Variants in EPHA1 observed in about 807,000 individuals in gnomAD.
EPHA1 encodes the protein ephrin type-A receptor 1.
EPHA1 carries 92 observed loss-of-function variants against 110.1 expected under a neutral mutation model. The ratio of observed to expected loss-of-function variants is 0.84; its 90% CI spans 0.71 to 0.99. The LOEUF is 0.99. EPHA1 is among the 50% of genes least tolerant of loss of function. EPHA1 has a pLI of 0.00. For synonymous variants in EPHA1, 500 were observed against 516.1 expected, an observed-to-expected ratio of 0.97 and a Z score of 0.42; for missense variants, 1,204 against 1,285.4, an observed-to-expected ratio of 0.94 and a Z score of 0.97.
intron 11 of EPHA1, 44 bp downstream of exon 11, chr7:143,396,341 C>T (rs1186982043): frequency 1.3e-6 from 2 of 1,599,758 alleles, no homozygotes; most frequent in East Asian, 2.3e-5. Context: ...CTCTGTGCTG[C>T]CCCACATGGC....
In EPHA1 at chr7:143,399,277, G is replaced by A. The variant is rs1805349025; in HGVS notation, c.972C>T (p.Gly324=). The A allele has an allele frequency of 6.2e-7, 1 of 1,611,718 alleles. No homozygotes were observed. Among genetic ancestry groups the A allele is most frequent in the Non-Finnish European group, 8.5e-7 (1 of 1,179,778 alleles). The change falls in exon 5 of 18, where the codon GGC becomes GGT. Residue 324 remains glycine (G), a synonymous_variant. Coordinates refer to ENST00000275815, the MANE Select transcript of EPHA1 (RefSeq NM_005232.5). ...ESGHYRAPGE[G]PQVACTGPPS... Reference sequence around the variant, plus strand: ...ACTCACCTGTGCATGCCACCTGGGGGCCCTCCCCGGGAGCTCTGTAATGGC... The same window carrying A: ...ACTCACCTGTGCATGCCACCTGGGGACCCTCCCCGGGAGCTCTGTAATGGC...
chr7:143,397,189 G>T (rs933417935), intron 10 of EPHA1, 115 bp downstream of exon 10: 1 of 1,256,976 alleles, frequency 8.0e-7, no homozygotes, highest in Non-Finnish European at 1.1e-6. Context: ...CCCCAGAGTT[G>T]GCCTAGCAAA....
rs1001668953 is a variant in EPHA1 at position 143,393,386 on chromosome 7, C to T, written c.2696+285G>A. ...ACAGTGGGATTGGCAAGGATGGCTC[C>T]GGGAGTGTCTTAGGTGAGGCTGCCT... On this transcript the variant is annotated intron_variant, in intron 16 of 17. Coordinates refer to ENST00000275815, the MANE Select transcript of EPHA1 (RefSeq NM_005232.5). This position sits in a 1 kb window ranked among gnomAD's most constrained non-coding sequence, Gnocchi z 5.6. 3.3e-5 allele frequency among the ~76,000 whole-genome samples: 5 copies of T among 152,124 alleles called. No individual in the cohort carries two copies. Among genetic ancestry groups the T allele is most frequent in the South Asian group, 2.1e-4 (1 of 4,824 alleles).
intron 9 of EPHA1, 97 bp from the exon 10 acceptor site, chr7:143,397,459 GCA>G: frequency 6.3e-7 from 1 of 1,589,272 alleles, no homozygotes. Flanking sequence ...GGCTGGGAGT[GCA>G]GGATGGGTTT....
At position 143,399,879 on chromosome 7, in the gene EPHA1, G is replaced by T. The variant is rs746832004; in HGVS notation, c.607C>A (p.Arg203Ser). 6.2e-7 allele frequency: 1 copy of T among 1,607,754 alleles called. No individual in the cohort carries two copies. Among genetic ancestry groups the T allele is most frequent in the Non-Finnish European group, 8.5e-7 (1 of 1,176,988 alleles). Residue 203 changes from arginine (R) to serine (S), a missense_variant, in exon 4 of 18, where the codon CGC (arginine) becomes AGC (serine). Coordinates refer to ENST00000275815, the MANE Select transcript of EPHA1 (RefSeq NM_005232.5). Reference protein sequence around the residue: ...ALVSVRVFYQRCPETLNGLAQ... With the variant: ...ALVSVRVFYQSCPETLNGLAQ... ...AAGCCATTCAGGGTCTCAGGACAGC[G>T]CTGGTAGAAGACCCGGACAGACACC... is the stretch of plus-strand genomic sequence containing the variant.
chr7:143,396,512 T>C lies in EPHA1; in HGVS notation c.1772-2A>G. On this transcript the variant is annotated splice_acceptor_variant, in intron 10 of 17. Coordinates refer to ENST00000275815, the MANE Select transcript of EPHA1 (RefSeq NM_005232.5). LOFTEE classifies it high-confidence loss of function. ...AAGGCTTCAGCCACAGCTTGTCCTC[T>C]ATGGGCAGAACATGAGGTTGGGGAG... is the stretch of plus-strand genomic sequence containing the variant. 6.2e-7 allele frequency: 1 copy of C among 1,613,686 alleles called. No individual in the cohort carries two copies. The highest frequency in any genetic ancestry group is 8.5e-7 in the Non-Finnish European group (1 of 1,179,764).
chr7:143,391,379 C>T lies in EPHA1; in HGVS notation c.*78G>A, dbSNP rs998175770. On this transcript the variant is annotated 3_prime_UTR_variant, in exon 18 of 18. Transcript: ENST00000275815. The stretch of plus-strand genomic sequence containing the variant: ...TAGTCTGGCAGGTTGTGGGAAGGGG[C>T]GCAGGGAGTGACCATGAGCGACCTT... 5.3e-5 allele frequency: 81 copies of T among 1,542,346 alleles called. No homozygotes were observed. The highest frequency in any genetic ancestry group is 1.7e-4 in the Middle Eastern group (1 of 5,800).
intron 9 of EPHA1, 86 bp from the exon 10 acceptor site, chr7:143,397,448 G>A (rs772324191): frequency 9.2e-5 from 146 of 1,581,298 alleles, no homozygotes; most frequent in Non-Finnish European, 1.1e-4. Context: ...CCCCAGAAAC[G>A]GGCTGGGAGT....
At chr7:143,406,757 AT>A (rs1805562112) in intron 2 of EPHA1, among the ~76,000 whole-genome samples, 1 of 152,104 alleles carries the variant, frequency 6.6e-6, no homozygotes, top group South Asian at 2.1e-4. Flanking sequence ...GGCGGGAGGA[AT>A]CCCTACACGC....
In EPHA1 at chr7:143,395,909, C is replaced by T. The variant is rs1805231908; in HGVS notation, c.1898-405G>A. On this transcript the variant is annotated intron_variant, in intron 11 of 17. Coordinates refer to ENST00000275815, the MANE Select transcript of EPHA1 (RefSeq NM_005232.5). This position sits in a 1 kb window ranked among gnomAD's most constrained non-coding sequence, Gnocchi z 4.7. ...GGTCCCAGCTTGCCTGGCTCAGCTGCACAATTGGCAAGGACACCACCAAGC... is the reference window on the plus strand; with the variant it reads ...GGTCCCAGCTTGCCTGGCTCAGCTGTACAATTGGCAAGGACACCACCAAGC... Among the ~76,000 whole-genome samples, 1 of 152,214 alleles carries T rather than the reference C, an allele frequency of 6.6e-6. No homozygotes were observed. Among genetic ancestry groups the T allele is most frequent in the Non-Finnish European group, 1.5e-5 (1 of 68,038 alleles).
chr7:143,394,013 CA>C, intron 15 of EPHA1, 149 bp from the exon 16 acceptor site: 1 of 1,234,846 alleles, frequency 8.1e-7, no homozygotes, highest in Non-Finnish European at 1.1e-6. Flanking sequence ...GTGGGAGGAT[CA>C]GGGTGGGAGG....
At chr7:143,391,577 A>AC (rs1436658813) in intron 17 of EPHA1, 42 bp from the exon 18 acceptor site, 1 of 1,613,666 alleles carries the variant, frequency 6.2e-7, no homozygotes, top group East Asian at 2.2e-5. Context: ...CGGAGGCTCC[A>AC]CCCCCGCAGC....
At chr7:143,399,594 G>A (rs1805359030) in intron 4 of EPHA1, 57 bp downstream of exon 4, 17 of 1,602,952 alleles carry the variant, frequency 1.1e-5, no homozygotes, top group African/African-American at 1.3e-5. Flanking sequence ...TCTCTGCCGG[G>A]GTACTCCTGC....
intron 16 of EPHA1, 21 bp from the exon 17 acceptor site, chr7:143,391,796 A>C: frequency 6.2e-7 from 1 of 1,612,406 alleles, no homozygotes; most frequent in Non-Finnish European, 8.5e-7. Context: ...TGGGCATGTC[A>C]GTCACAGCGG....
intron 4 of EPHA1, 61 bp from the exon 5 acceptor site, chr7:143,399,474 C>G: frequency 1.3e-6 from 2 of 1,545,804 alleles, no homozygotes; most frequent in South Asian, 1.3e-5. Flanking sequence ...AGAACCACCA[C>G]CACCCCTTCC....
chr7:143,404,940 T>C (rs962597985), intron 2 of EPHA1, among the ~76,000 whole-genome samples: 2 of 151,558 alleles, frequency 1.3e-5, no homozygotes, highest in African/African-American at 4.9e-5. Flanking sequence ...TCCATTATAA[T>C]GCAGGGGCCC....
chr7:143,395,190 A>G lies in EPHA1; in HGVS notation c.2084-8T>C. 2 of 1,613,358 alleles carry G rather than the reference A, an allele frequency of 1.2e-6. No individual in the cohort carries two copies. The highest frequency in any genetic ancestry group is 1.7e-6 in the Non-Finnish European group (2 of 1,180,018). On this transcript the variant is annotated splice_region_variant and splice_polypyrimidine_tract_variant and intron_variant, in intron 12 of 17. Coordinates refer to ENST00000275815, the MANE Select transcript of EPHA1 (RefSeq NM_005232.5). This position sits in a 1 kb window ranked among gnomAD's most constrained non-coding sequence, Gnocchi z 4.7. ...TGATCATGATCGGCTTTCCTGAGAC[A>G]CAGACACACATATCACACTCAGAAC...
In EPHA1 at chr7:143,391,708, G is replaced by A; in HGVS notation, c.2764C>T (p.Leu922Phe). Residue 922 changes from leucine (L) to phenylalanine (F), a missense_variant, in exon 17 of 18, where the codon CTC becomes TTC. Physicochemically the swap from Leu to Phe is conservative, Grantham distance 22. Transcript: ENST00000275815. Reference protein sequence around the residue: ...GIPYRTVSEWLESIRMKRYIL... With the variant: ...GIPYRTVSEWFESIRMKRYIL... ...TAGCGTTTCATGCGTATGGACTCGAGCCACTCAGAGACGGTTCGATATGGG... is the reference window on the plus strand; with the variant it reads ...TAGCGTTTCATGCGTATGGACTCGAACCACTCAGAGACGGTTCGATATGGG... 6.2e-7 allele frequency: 1 copy of A among 1,613,998 alleles called. No homozygotes were observed.
chr7:143,394,519 C>CA (rs1278801731), intron 14 of EPHA1, among the ~76,000 whole-genome samples, 176 bp from the exon 15 acceptor site: 2 of 152,160 alleles, frequency 1.3e-5, no homozygotes, highest in Non-Finnish European at 2.9e-5. Flanking sequence ...CTCCCAGGTT[C>CA]AAGCGATTCT....
Sources: allele counts gnomAD v4.1 joint callset (sites outside exome capture counted in the v4.1 genomes callset), GRCh38; gene constraint gnomAD v4.1.1; non-coding constraint Gnocchi (gnomAD v3.1); transcripts MANE v1.5; gene names NCBI Gene and HGNC (gene_info 2026-07-23, HGNC 2026-07-21).